Variants in RIT2 observed in about 807,000 individuals in gnomAD.
RIT2 encodes Ras like without CAAX 2, also known as GTP-binding protein Rit2.
A neutral mutation model predicts 23.7 loss-of-function variants in RIT2; 24 were observed. The observed-to-expected ratio is 1.01, with a 90% CI of 0.73 to 1.43. The LOEUF (loss-of-function observed/expected upper bound fraction) is 1.43. Among genes scored for constraint, RIT2 ranks in the 40% most tolerant of loss-of-function variants. The pLI is 0.00. For missense variants in RIT2, 236 were observed against 266.9 expected (o/e 0.88, Z 0.81); for synonymous variants, 107 against 91.1 (o/e 1.17, Z -0.99).
At chr18:43,029,912 G>A (rs778614931) in intron 2 of RIT2, among the ~76,000 whole-genome samples, 12 of 151,936 alleles carry the variant, frequency 7.9e-5, no homozygotes, top group Non-Finnish European at 1.8e-4. Flanking sequence ...AAGACCACTA[G>A]AACACCTTTG....
At chr18:43,087,869 A>G (rs1913323288) in intron 1 of RIT2, among the ~76,000 whole-genome samples, 1 of 152,220 alleles carries the variant, frequency 6.6e-6, no homozygotes, top group Admixed American at 6.5e-5. Context: ...AACATAAGTG[A>G]CAATGATGTG....
intron 4 of RIT2, among the ~76,000 whole-genome samples, chr18:42,828,555 A>T (rs1329248179): frequency 6.6e-6 from 1 of 152,216 alleles, no homozygotes; most frequent in Non-Finnish European, 1.5e-5. Context: ...GCTGTTAAGC[A>T]ATTAAGTTGG....
chr18:43,060,107 T>C (rs1912609481), intron 1 of RIT2, among the ~76,000 whole-genome samples: 1 of 152,090 alleles, frequency 6.6e-6, no homozygotes, highest in Non-Finnish European at 1.5e-5. Flanking sequence ...ATCTGAGAGG[T>C]ATTTTATAGA....
intron 3 of RIT2, among the ~76,000 whole-genome samples, chr18:42,940,252 A>ATATATATATATATATG: frequency 7.0e-6 from 1 of 142,482 alleles, no homozygotes; most frequent in Non-Finnish European, 1.5e-5. Flanking sequence ...ATATATATAT[A>ATATATATATATATATG]TATATATATA....
chr18:42,871,063 C>T (rs1338520491), intron 4 of RIT2, among the ~76,000 whole-genome samples: 2 of 152,126 alleles, frequency 1.3e-5, no homozygotes, highest in East Asian at 1.9e-4. Context: ...CTACATCGTG[C>T]ACTGGGCCAC....
At chr18:42,860,405 A>G (rs1907295483) in intron 4 of RIT2, among the ~76,000 whole-genome samples, 1 of 152,224 alleles carries the variant, frequency 6.6e-6, no homozygotes, top group African/African-American at 2.4e-5. Flanking sequence ...GTACTCATAG[A>G]ATTGTTGCAA....
intron 4 of RIT2, among the ~76,000 whole-genome samples, chr18:42,891,474 C>T (rs1190528433): frequency 2.0e-5 from 3 of 152,070 alleles, no homozygotes; most frequent in East Asian, 1.9e-4. Flanking sequence ...TTCATGGTTG[C>T]CAGAATTTGG....
intron 3 of RIT2, among the ~76,000 whole-genome samples, chr18:42,948,662 T>C (rs1257769272): frequency 6.6e-6 from 1 of 152,108 alleles, no homozygotes; most frequent in Admixed American, 6.6e-5. Context: ...TGTTAATACA[T>C]CCTTATCCTC....
intron 4 of RIT2, among the ~76,000 whole-genome samples, chr18:42,877,184 G>A (rs898869515): frequency 2.0e-5 from 3 of 151,758 alleles, no homozygotes; most frequent in Non-Finnish European, 4.4e-5. Flanking sequence ...GACAGCTCAG[G>A]TATAGGTAGA....
chr18:42,747,843 G>A lies in RIT2; in HGVS notation c.427-4123C>T, dbSNP rs989801910. 2.0e-5 allele frequency among the ~76,000 whole-genome samples: 3 copies of A among 152,004 alleles called. No homozygotes were observed. In the East Asian group the frequency reaches 5.8e-4, roughly 29 times the overall value. On this transcript the variant is annotated intron_variant, in intron 4 of 4. Coordinates refer to ENST00000326695, the MANE Select transcript of RIT2 (RefSeq NM_002930.4). Reference sequence around the variant, plus strand: ...GATAATTGGCAAGCCACACGTAGAAGAATGAAACTGCATCCTCATGTCTCA... The same window carrying A: ...GATAATTGGCAAGCCACACGTAGAAAAATGAAACTGCATCCTCATGTCTCA...
At chr18:43,095,826 T>G (rs536266796) in intron 1 of RIT2, among the ~76,000 whole-genome samples, 1 of 152,104 alleles carries the variant, frequency 6.6e-6, no homozygotes, top group Non-Finnish European at 1.5e-5. Context: ...GAAATACTTA[T>G]GTACAGAATA....
At chr18:43,077,077 T>A (rs1275042770) in intron 1 of RIT2, among the ~76,000 whole-genome samples, 1 of 115,536 alleles carries the variant, frequency 8.7e-6, no homozygotes, top group Non-Finnish European at 1.6e-5. Context: ...CACTCCAGCC[T>A]GGGCGACAGA....
At chr18:42,965,741 T>C (rs1265573333) in intron 3 of RIT2, among the ~76,000 whole-genome samples, 2 of 134,554 alleles carry the variant, frequency 1.5e-5, no homozygotes, top group Non-Finnish European at 3.1e-5. Flanking sequence ...TTTTTTTTTT[T>C]TTTTCAGAAT....
intron 4 of RIT2, among the ~76,000 whole-genome samples, chr18:42,791,553 A>G (rs914663439): frequency 6.6e-6 from 1 of 152,064 alleles, no homozygotes; most frequent in Non-Finnish European, 1.5e-5. Flanking sequence ...TTATTTTTCC[A>G]CTTCCTTTAT....
intron 1 of RIT2, among the ~76,000 whole-genome samples, chr18:43,094,864 T>C (rs1913513751): frequency 6.6e-6 from 1 of 151,486 alleles, no homozygotes; most frequent in Admixed American, 6.6e-5. Context: ...TCCAGCTTCA[T>C]CCATGTCCCT....
At chr18:42,944,239 C>A (rs1414430295) in intron 3 of RIT2, among the ~76,000 whole-genome samples, 1 of 152,150 alleles carries the variant, frequency 6.6e-6, no homozygotes, top group African/African-American at 2.4e-5. Context: ...CCACTCCAGC[C>A]ACACTGGCCT....
chr18:42,934,300 A>G (rs1359910405), intron 3 of RIT2, among the ~76,000 whole-genome samples: 2 of 152,192 alleles, frequency 1.3e-5, no homozygotes, highest in Non-Finnish European at 2.9e-5. Context: ...CTGTTCCATA[A>G]CACAAAAACA....
At chr18:42,892,093 C>A (rs982698974) in intron 4 of RIT2, among the ~76,000 whole-genome samples, 1 of 152,090 alleles carries the variant, frequency 6.6e-6, no homozygotes, top group African/African-American at 2.4e-5. Flanking sequence ...CCACGACAAA[C>A]CTCTCCAGGG....
At chr18:43,038,799 G>C (rs1912053616) in intron 1 of RIT2, among the ~76,000 whole-genome samples, 1 of 151,814 alleles carries the variant, frequency 6.6e-6, no homozygotes, top group Non-Finnish European at 1.5e-5. Flanking sequence ...GGGTAGTTTT[G>C]TATCATGTTT....
Sources: gnomAD v4.1 joint callset for allele counts (sites outside exome capture counted in the v4.1 genomes callset) on GRCh38, gnomAD v4.1.1 for gene constraint, MANE v1.5 for transcripts, NCBI Gene and HGNC (gene_info 2026-07-23, HGNC 2026-07-21) for gene names.